The following PTPN21 variants were observed in gnomAD, a reference collection of about 807,000 sequenced individuals.
PTPN21 encodes protein tyrosine phosphatase non-receptor type 21.
A neutral mutation model predicts 131.8 loss-of-function variants in PTPN21; 77 were observed. The observed-to-expected ratio is 0.58, with a 90% confidence interval of 0.49 to 0.71. The LOEUF is 0.71. Among genes scored for constraint, PTPN21 ranks in the 30% least tolerant of loss-of-function variants. The pLI is 0.00. For synonymous variants in PTPN21, 715 were observed against 621.3 expected (o/e 1.15, Z -2.24); for missense variants, 1,552 against 1,527.1 (o/e 1.02, Z -0.27).
chr14:88,532,599 C>G (rs927459885), intron 2 of PTPN21, among the ~76,000 whole-genome samples: 5 of 152,088 alleles, frequency 3.3e-5, no homozygotes, highest in African/African-American at 1.2e-4. Context: ...GAAATTTCTC[C>G]TATCTCTTTT....
chr14:88,499,379 AAGAAGAAATGGTAGGAGTGGTTT>A (rs1415045668), intron 8 of PTPN21: 2 of 152,338 alleles, frequency 1.3e-5, no homozygotes, highest in Non-Finnish European at 2.9e-5. Context: ...ACTAGTTCTC[AAGAAGAAATGGTAGGAGTGGTTT>A]AGAAAGCTTG....
chr14:88,473,444 A>C (rs1210686341), intron 14 of PTPN21, among the ~76,000 whole-genome samples: 2 of 152,214 alleles, frequency 1.3e-5, no homozygotes, highest in Non-Finnish European at 2.9e-5. Flanking sequence ...AAGAACACTG[A>C]GAAACAAACA....
intron 10 of PTPN21, 21 bp from the exon 11 acceptor site, chr14:88,485,863 G>A: frequency 3.3e-6 from 5 of 1,509,258 alleles, no homozygotes; most frequent in Non-Finnish European, 4.6e-6. Flanking sequence ...GGATGACTCT[G>A]AGAAGAGCAC....
intron 14 of PTPN21, among the ~76,000 whole-genome samples, chr14:88,473,123 T>C (rs1373430371): frequency 6.6e-6 from 1 of 152,066 alleles, no homozygotes; most frequent in Non-Finnish European, 1.5e-5. Flanking sequence ...TGAACAAATG[T>C]TTCCATTTTA....
intron 3 of PTPN21, among the ~76,000 whole-genome samples, chr14:88,511,142 C>T (rs1414554123): frequency 6.6e-6 from 1 of 151,990 alleles, no homozygotes; most frequent in Admixed American, 6.6e-5. Context: ...TCTCAAACTC[C>T]TGAGCTCAAG....
chr14:88,478,344 A>T (rs2077578177), intron 13 of PTPN21, among the ~76,000 whole-genome samples: 1 of 152,168 alleles, frequency 6.6e-6, no homozygotes, highest in Admixed American at 6.5e-5. Context: ...AATTTAAGAA[A>T]CCTGGACGTC....
At chr14:88,505,265 T>C (rs1246506044) in intron 5 of PTPN21, 39 bp downstream of exon 5, 1 of 1,455,024 alleles carries the variant, frequency 6.9e-7, no homozygotes, top group Non-Finnish European at 9.6e-7. Context: ...AGGAATAAAC[T>C]GTTTCTTTTA....
intron 3 of PTPN21, among the ~76,000 whole-genome samples, chr14:88,516,778 C>T (rs2078277401): frequency 6.6e-6 from 1 of 152,158 alleles, no homozygotes. Flanking sequence ...TCTCTCCTTT[C>T]CTTGTTACAA....
At position 88,480,141 on chromosome 14, in the gene PTPN21, G is replaced by C; in HGVS notation, c.1290C>G (p.Asp430Glu). Residue 430 changes from aspartate to glutamate, a missense_variant, in exon 13 of 19, where the codon GAC becomes GAG. By Grantham distance (45) the Asp-to-Glu change is conservative. Coordinates refer to ENST00000556564, the MANE Select transcript of PTPN21 (RefSeq NM_007039.4). ...CGCTGTGCCGATGGGACGGGAGGTA[G>C]TCAGGCCTCATGACGTCACTCCCGG... is the stretch of plus-strand genomic sequence containing the variant. The part of the protein sequence containing the change: ...SITGSDVMRP[D>E]YLPSHRHSAV... 6.2e-7 allele frequency: 1 copy of C among 1,614,188 alleles called. No homozygotes were observed. Among genetic ancestry groups the C allele is most frequent in the East Asian group, 2.2e-5 (1 of 44,880 alleles).
At chr14:88,482,493 G>A (rs1280041048) in intron 12 of PTPN21, among the ~76,000 whole-genome samples, 2 of 152,028 alleles carry the variant, frequency 1.3e-5, no homozygotes, top group African/African-American at 2.4e-5. Context: ...GCGTGGTGGC[G>A]CATGCCTGTA....
At chr14:88,526,861 C>T (rs1359709302) in intron 2 of PTPN21, among the ~76,000 whole-genome samples, 2 of 152,126 alleles carry the variant, frequency 1.3e-5, no homozygotes, top group African/African-American at 4.8e-5. Flanking sequence ...CATGCCTTTG[C>T]ATCCCCATAG....
Position 88,479,019 on chromosome 14 carries a change from T to C in PTPN21, c.2412A>G (p.Ser804=), listed in dbSNP as rs1379395162. 8 of 1,605,610 alleles carry C rather than the reference T, an allele frequency of 5.0e-6. No individual in the cohort carries two copies. Among genetic ancestry groups the C allele is most frequent in the Non-Finnish European group, 6.8e-6 (8 of 1,176,794 alleles). Residue 804 remains serine, a synonymous_variant, in exon 13 of 19, where the codon TCA becomes TCG. Transcript: ENST00000556564. The part of the protein sequence containing the change: ...PSMSESDLTT[S]GRYRARRDSL... ...AGTCCCTCCGGGCTCGGTAGCGGCC[T>C]GACGTGGTGAGGTCGGACTCCGACA...
At chr14:88,541,720 G>C (rs1443779844) in intron 2 of PTPN21, among the ~76,000 whole-genome samples, 2 of 151,846 alleles carry the variant, frequency 1.3e-5, no homozygotes, top group African/African-American at 4.8e-5. Flanking sequence ...GAAGGCCAAA[G>C]AAAAAAAGGG....
At position 88,550,594 on chromosome 14, in the gene PTPN21, C is replaced by A. The variant is rs543913368; in HGVS notation, c.-177G>T. The A allele has an allele frequency of 7.1e-5, 43 of 607,072 alleles. No homozygotes were observed. The African/African-American group carries it at 8.0e-4, about 11-fold the overall frequency. The allele number at this position is 607,072 out of a possible 1,614,324, so 37.6% of individuals were successfully genotyped here. On this transcript the variant is annotated 5_prime_UTR_variant, in exon 2 of 19. Coordinates refer to ENST00000556564, the MANE Select transcript of PTPN21 (RefSeq NM_007039.4). ...AAAAGCAACGGAGTCTCCAATGGCC[C>A]GAGGAAGGGAGCATTGACGCCAGCG... is the stretch of plus-strand genomic sequence containing the variant.
At chr14:88,533,217 G>A (rs2078578052) in intron 2 of PTPN21, among the ~76,000 whole-genome samples, 3 of 152,126 alleles carry the variant, frequency 2.0e-5, no homozygotes, top group Admixed American at 1.3e-4. Context: ...TTCCATTTCT[G>A]TTTTGGTACC....
chr14:88,493,195 A>G, intron 10 of PTPN21: 1 of 406,156 alleles, frequency 2.5e-6, no homozygotes, highest in Non-Finnish European at 4.9e-6. Context: ...TCTCAGTATA[A>G]TGCTTGACAC....
At chr14:88,517,726 A>G in intron 2 of PTPN21, among the ~76,000 whole-genome samples, 1 of 116,172 alleles carries the variant, frequency 8.6e-6, no homozygotes, top group East Asian at 2.6e-4. Flanking sequence ...GTATGTGTAT[A>G]TATACTATAT....
chr14:88,514,329 A>G (rs1333017615), intron 3 of PTPN21, among the ~76,000 whole-genome samples: 1 of 151,912 alleles, frequency 6.6e-6, no homozygotes, highest in African/African-American at 2.4e-5. Context: ...ATATCATGTT[A>G]TTTTCTTAAT....
intron 2 of PTPN21, among the ~76,000 whole-genome samples, chr14:88,528,836 C>G (rs939504788): frequency 6.6e-6 from 1 of 152,166 alleles, no homozygotes; most frequent in African/African-American, 2.4e-5. Context: ...TGAAAACAGA[C>G]TAAAACATTT....
Sources: gnomAD v4.1 joint callset for allele counts (sites outside exome capture counted in the v4.1 genomes callset) on GRCh38, gnomAD v4.1.1 for gene constraint, MANE v1.5 for transcripts, NCBI Gene and HGNC (gene_info 2026-07-23, HGNC 2026-07-21) for gene names.